Variants in PATJ observed in about 807,000 individuals in gnomAD.
The protein encoded by PATJ is PATJ crumbs cell polarity complex component, also known as inaD-like protein.
PATJ carries 190 observed loss-of-function variants against 224.9 expected under a neutral mutation model. The observed-to-expected ratio is 0.84, with a 90% confidence interval of 0.75 to 0.95. PATJ has a LOEUF of 0.95. Among genes scored for constraint, PATJ ranks in the 40% least tolerant of loss-of-function variants. The pLI is 0.00. For synonymous variants in PATJ, 769 were observed against 820.3 expected, an observed-to-expected ratio of 0.94 and a Z score of 1.07; for missense variants, 2,121 against 2,270.3, an observed-to-expected ratio of 0.93 and a Z score of 1.34.
In PATJ at chr1:62,039,081, C is replaced by T. The variant is rs560717191; in HGVS notation, c.4032+1032C>T. On this transcript the variant is annotated intron_variant, in intron 30 of 43. Coordinates refer to ENST00000642238, the MANE Select transcript of PATJ (RefSeq NM_001350145.3). ...TTATGATCCAGAAGCATGATGGCTT[C>T]ACAGTGGCAGTACACAAAATGGCCT... 5.0e-6 allele frequency: 4 copies of T among 798,208 alleles called. No individual in the cohort carries two copies. In the East Asian group the frequency reaches 7.9e-5, roughly 16 times the overall value. 49.4% of individuals were successfully genotyped at this position (798,208 alleles called of 1,614,324 possible). A position where few individuals can be genotyped will look rare whatever the true frequency, so the allele number is the denominator to read the frequency against.
At chr1:61,778,518 G>A (rs1647063430) in intron 7 of PATJ, among the ~76,000 whole-genome samples, 1 of 151,990 alleles carries the variant, frequency 6.6e-6, no homozygotes, top group African/African-American at 2.4e-5. Context: ...AGGCTGAAAG[G>A]ACTATTATAA....
intron 17 of PATJ, among the ~76,000 whole-genome samples, chr1:61,846,421 T>C (rs995796656): frequency 1.3e-5 from 2 of 152,226 alleles, no homozygotes; most frequent in Admixed American, 1.3e-4. Context: ...CCCTGCATCA[T>C]AATACAGTTT....
At chr1:62,088,863 A>G (rs1660367925) in intron 33 of PATJ, among the ~76,000 whole-genome samples, 1 of 146,016 alleles carries the variant, frequency 6.8e-6, no homozygotes, top group Non-Finnish European at 1.5e-5. Context: ...TATAGAATAT[A>G]TAGAACATAT....
intron 37 of PATJ, among the ~76,000 whole-genome samples, chr1:62,119,817 T>G (rs1385301713): frequency 6.6e-6 from 1 of 151,990 alleles, no homozygotes; most frequent in Non-Finnish European, 1.5e-5. Context: ...AGTGGTGGGC[T>G]CCTGTAACCC....
At chr1:61,840,770 A>G (rs1384406779) in intron 17 of PATJ, among the ~76,000 whole-genome samples, 1 of 152,094 alleles carries the variant, frequency 6.6e-6, no homozygotes, top group African/African-American at 2.4e-5. Context: ...TAGGTAGGTG[A>G]TAAATTCCTA....
At chr1:61,959,538 G>A (rs924439987) in intron 27 of PATJ, among the ~76,000 whole-genome samples, 4 of 149,556 alleles carry the variant, frequency 2.7e-5, no homozygotes, top group Non-Finnish European at 4.4e-5. Flanking sequence ...AGGCTCAAGC[G>A]ATCCTCCCAC....
intron 21 of PATJ, among the ~76,000 whole-genome samples, chr1:61,875,940 C>T (rs1290001695): frequency 6.6e-6 from 1 of 152,040 alleles, no homozygotes; most frequent in South Asian, 2.1e-4. Flanking sequence ...TCATCTAACA[C>T]TAAAATATTG....
At chr1:61,800,274 C>T (rs966704118) in intron 11 of PATJ, among the ~76,000 whole-genome samples, 1 of 152,170 alleles carries the variant, frequency 6.6e-6, no homozygotes, top group Non-Finnish European at 1.5e-5. Flanking sequence ...TGTTTTTTGA[C>T]TTTTTAATAA....
chr1:62,145,154 A>G (rs143972486), intron 41 of PATJ, among the ~76,000 whole-genome samples: 72 of 152,302 alleles, frequency 4.7e-4, no homozygotes, highest in Middle Eastern at 6.8e-3. Flanking sequence ...CTAAGAGGCA[A>G]ATCTCAGGGA....
At chr1:61,939,240 C>G (rs531561574) in intron 27 of PATJ, among the ~76,000 whole-genome samples, 1 of 150,850 alleles carries the variant, frequency 6.6e-6, no homozygotes, top group African/African-American at 2.4e-5. Flanking sequence ...AGAGAAAAGC[C>G]TTTCAAATTA....
intron 31 of PATJ, among the ~76,000 whole-genome samples, chr1:62,075,092 C>T (rs1658078455): frequency 6.6e-6 from 1 of 152,250 alleles, no homozygotes; most frequent in African/African-American, 2.4e-5. Flanking sequence ...TTACATTCTT[C>T]TTCTTGCAGA....
rs1027119284 is a variant in PATJ, at chr1:62,017,863, A to G, written c.3875A>G (p.Asn1292Ser). 1.3e-6 allele frequency: 2 copies of G among 1,597,916 alleles called. No homozygotes were observed. The highest frequency in any genetic ancestry group is 1.3e-5 in the African/African-American group (1 of 74,760). Residue 1292 changes from asparagine to serine, a missense_variant, in exon 29 of 44, where the codon AAT (asparagine) becomes AGT (serine). Transcript: ENST00000642238. ...RIGDELLEIN[N>S]QILYGRSHQN... Reference sequence around the variant, plus strand: ...GTGGTTTTTCCCAAACAGATAAACAATCAGATTCTGTATGGAAGAAGTCAC... The same window carrying G: ...GTGGTTTTTCCCAAACAGATAAACAGTCAGATTCTGTATGGAAGAAGTCAC...
intron 42 of PATJ, among the ~76,000 whole-genome samples, chr1:62,150,896 A>G (rs1204907221): frequency 2.0e-5 from 3 of 152,160 alleles, no homozygotes; most frequent in Non-Finnish European, 4.4e-5. Context: ...TAATCCCAGC[A>G]CTTCGGGAGG....
intron 16 of PATJ, among the ~76,000 whole-genome samples, chr1:61,832,919 A>T (rs1032440211): frequency 6.6e-6 from 1 of 152,178 alleles, no homozygotes. Flanking sequence ...CTGGAATTCC[A>T]CATAGCAATG....
At chr1:61,828,755 T>C (rs1658785202) in intron 16 of PATJ, among the ~76,000 whole-genome samples, 2 of 152,200 alleles carry the variant, frequency 1.3e-5, no homozygotes, top group Non-Finnish European at 2.9e-5. Context: ...TTTATGCTAC[T>C]TTCCCCCCTT....
chr1:61,864,800 G>A (rs1440565248), intron 20 of PATJ, among the ~76,000 whole-genome samples, 167 bp downstream of exon 20: 2 of 152,270 alleles, frequency 1.3e-5, no homozygotes, highest in Non-Finnish European at 2.9e-5. Context: ...GTATAAGCTC[G>A]TCTTTTCTGT....
chr1:61,989,182 A>G (rs1353059814), intron 27 of PATJ, among the ~76,000 whole-genome samples: 1 of 152,224 alleles, frequency 6.6e-6, no homozygotes, highest in Non-Finnish European at 1.5e-5. Flanking sequence ...TTTTGACCCT[A>G]ACATAGAGGT....
chr1:62,053,169 G>A (rs1308357737), intron 31 of PATJ, among the ~76,000 whole-genome samples: 1 of 152,168 alleles, frequency 6.6e-6, no homozygotes, highest in African/African-American at 2.4e-5. Flanking sequence ...AGGGCCTGGA[G>A]GCCTGAGGGT....
Position 62,161,078 on chromosome 1 carries a change from G to A in PATJ, c.*24G>A. ...GAGCCTCGGGCCTGATCACAAGATAGATGTTGTTGTTTAGAATATCCACAG... is the reference window on the plus strand; with the variant it reads ...GAGCCTCGGGCCTGATCACAAGATAAATGTTGTTGTTTAGAATATCCACAG... On this transcript the variant is annotated 3_prime_UTR_variant, in exon 44 of 44. Coordinates refer to ENST00000642238, the MANE Select transcript of PATJ (RefSeq NM_001350145.3). 7.1e-7 allele frequency: 1 copy of A among 1,403,540 alleles called. No individual in the cohort carries two copies. The allele number at this position is 1,403,540 out of a possible 1,614,324, so 86.9% of individuals were successfully genotyped here.
Sources: allele counts gnomAD v4.1 joint callset (sites outside exome capture counted in the v4.1 genomes callset), GRCh38; gene constraint gnomAD v4.1.1; transcripts MANE v1.5; gene names NCBI Gene and HGNC (gene_info 2026-07-23, HGNC 2026-07-21).